The following BMP8A variants were observed in gnomAD, a reference collection of about 807,000 sequenced individuals.
The protein encoded by BMP8A is BMP-8A.
BMP8A carries 14 observed loss-of-function variants against 36.8 expected under a neutral mutation model. That is an observed-to-expected ratio of 0.38 (90% CI 0.25 to 0.60). The LOEUF (loss-of-function observed/expected upper bound fraction) is 0.60, where lower values mean the gene tolerates loss of function less well. Ranked by LOEUF, BMP8A falls within the 20% of genes least tolerant of loss-of-function variation. The probability of loss-of-function intolerance (pLI) is 0.63; values close to 1 mark genes in which losing one functional copy is unlikely to be tolerated. For missense variants in BMP8A, 267 were observed against 551.1 expected, an observed-to-expected ratio of 0.48 and a Z score of 5.16; for synonymous variants, 120 against 237.7, an observed-to-expected ratio of 0.50 and a Z score of 4.55.
At position 39,500,954 on chromosome 1, in the gene BMP8A, G is replaced by A. The variant is rs375609413; in HGVS notation, c.334+8629G>A. Among the ~76,000 whole-genome samples the A allele has an allele frequency of 1.5e-4, 23 of 152,250 alleles. No homozygotes were observed. The East Asian group carries it at 3.5e-3, about 23-fold the overall frequency. On this transcript the variant is annotated intron_variant, in intron 1 of 6. Transcript: ENST00000331593. ...CAGGTGTAAGTCACCACGCCCAGCCGAAAACAGGTTTATTTGGCATACAAT... is the reference window on the plus strand; with the variant it reads ...CAGGTGTAAGTCACCACGCCCAGCCAAAAACAGGTTTATTTGGCATACAAT...
At chr1:39,497,908 C>A (rs1057499478) in intron 1 of BMP8A, among the ~76,000 whole-genome samples, 2 of 152,300 alleles carry the variant, frequency 1.3e-5, no homozygotes, top group Admixed American at 1.3e-4. Flanking sequence ...CTGGGCCCTC[C>A]CCTGGGACCC....
At chr1:39,513,743 C>T (rs1332987230) in intron 3 of BMP8A, among the ~76,000 whole-genome samples, 6 of 151,730 alleles carry the variant, frequency 4.0e-5, no homozygotes, top group African/African-American at 1.2e-4. Context: ...AAGACCCAGG[C>T]GAGGGAGGTG....
chr1:39,506,173 G>A (rs1645299738), intron 1 of BMP8A, among the ~76,000 whole-genome samples: 1 of 151,914 alleles, frequency 6.6e-6, no homozygotes, highest in Admixed American at 6.6e-5. Flanking sequence ...AGAAAAGTCT[G>A]GATTTAGTTA....
At chr1:39,523,595 G>A in intron 6 of BMP8A, 1 of 1,419,754 alleles carries the variant, frequency 7.0e-7, no homozygotes, top group Non-Finnish European at 9.2e-7. Flanking sequence ...GCTTCTAGAT[G>A]GTGTGGCTCT....
At chr1:39,525,037 AG>A (rs202247565) in intron 6 of BMP8A, 2,569 of 153,546 alleles carry the variant, frequency 0.017, 69 homozygotes, top group African/African-American at 0.056. Flanking sequence ...AGAAGTGGGA[AG>A]GGGAGCAGGA....
intron 3 of BMP8A, chr1:39,516,096 G>C (rs2124369257): frequency 1.4e-6 from 1 of 707,808 alleles, no homozygotes; most frequent in East Asian, 3.0e-5. Context: ...GCCATGATCC[G>C]AGGGGGACAC....
intron 3 of BMP8A, among the ~76,000 whole-genome samples, chr1:39,519,675 C>T (rs1385274793): frequency 1.3e-5 from 2 of 151,772 alleles, no homozygotes; most frequent in African/African-American, 4.8e-5. Flanking sequence ...TAAGGGCTGA[C>T]CTTTGAGTGG....
intron 1 of BMP8A, among the ~76,000 whole-genome samples, chr1:39,507,954 A>G (rs1189326707): frequency 6.6e-6 from 1 of 152,206 alleles, no homozygotes; most frequent in Non-Finnish European, 1.5e-5. Flanking sequence ...ACTTTTATTT[A>G]GAAAAAAAGA....
At chr1:39,498,415 A>G (rs1402754374) in intron 1 of BMP8A, among the ~76,000 whole-genome samples, 2 of 152,202 alleles carry the variant, frequency 1.3e-5, no homozygotes, top group Non-Finnish European at 2.9e-5. Flanking sequence ...CCTGGGATCT[A>G]TTCTTGGCCT....
chr1:39,515,605 G>C, intron 3 of BMP8A: 1 of 1,533,142 alleles, frequency 6.5e-7, no homozygotes, highest in Non-Finnish European at 8.9e-7. Flanking sequence ...AAGGCCGACC[G>C]GGCAGGAAAC....
At chr1:39,514,932 C>T in intron 3 of BMP8A, 1 of 1,498,190 alleles carries the variant, frequency 6.7e-7, no homozygotes, top group Non-Finnish European at 8.9e-7. Context: ...CACCACTTGT[C>T]CTGGCCTCCG....
chr1:39,508,501 C>T (rs758799486), intron 1 of BMP8A, among the ~76,000 whole-genome samples: 8 of 152,228 alleles, frequency 5.3e-5, no homozygotes, highest in Non-Finnish European at 8.8e-5. Context: ...ACTGATATCA[C>T]ATAGGTTGCC....
At position 39,499,036 on chromosome 1, in the gene BMP8A, G is replaced by A. The variant is rs565647504; in HGVS notation, c.334+6711G>A. ...CCGCTCTGGGGCCCCGGAACACAGC[G>A]GCCGATGAGCTGACATGCGAGCCTC... On this transcript the variant is annotated intron_variant, in intron 1 of 6. Transcript: ENST00000331593. Among the ~76,000 whole-genome samples, 195 of 152,342 alleles carry A rather than the reference G, an allele frequency of 1.3e-3. 1 individual carries two copies. The highest frequency in any genetic ancestry group is 9.7e-4 in the Non-Finnish European group (66 of 68,028).
intron 1 of BMP8A, among the ~76,000 whole-genome samples, chr1:39,502,009 G>A (rs2124327611): frequency 6.6e-6 from 1 of 151,864 alleles, no homozygotes; most frequent in South Asian, 2.1e-4. Context: ...GGAGGCCAAG[G>A]CGGGTGGATC....
chr1:39,497,724 C>T (rs1237355139), intron 1 of BMP8A, among the ~76,000 whole-genome samples: 1 of 152,160 alleles, frequency 6.6e-6, no homozygotes, highest in Non-Finnish European at 1.5e-5. Flanking sequence ...GAGAACAGGA[C>T]CAATTCTGAC....
At chr1:39,497,959 C>T (rs904306303) in intron 1 of BMP8A, among the ~76,000 whole-genome samples, 91 of 152,200 alleles carry the variant, frequency 6.0e-4, no homozygotes, top group Non-Finnish European at 3.8e-4. Context: ...GGTGGCTTCA[C>T]GGGCATTCTC....
In BMP8A at chr1:39,491,971, G is replaced by A; in HGVS notation, c.-21G>A. On this transcript the variant is annotated 5_prime_UTR_variant, in exon 1 of 7. Transcript: ENST00000331593. ...GCGGCGGCGGAGCTGATGTGCGCCCGCTGAGCGCCCCCGGCCCGCCATGGC... is the reference window on the plus strand; with the variant it reads ...GCGGCGGCGGAGCTGATGTGCGCCCACTGAGCGCCCCCGGCCCGCCATGGC... The A allele has an allele frequency of 1.9e-6, 2 of 1,074,196 alleles. No individual in the cohort carries two copies. The highest frequency in any genetic ancestry group is 1.1e-6 in the Non-Finnish European group (1 of 887,888). 66.5% of individuals were successfully genotyped at this position (1,074,196 alleles called of 1,614,324 possible). A position where few individuals can be genotyped will look rare whatever the true frequency, so the allele number is the denominator to read the frequency against.
intron 6 of BMP8A, chr1:39,523,979 AACAC>A (rs3832006): frequency 0.043 from 6,533 of 152,608 alleles, 389 homozygotes; most frequent in East Asian, 0.32. Flanking sequence ...TAAAAATTAA[AACAC>A]ACACACACAC....
chr1:39,525,967 C>T lies in BMP8A; in HGVS notation c.*169C>T. The T allele has an allele frequency of 2.5e-6, 3 of 1,213,420 alleles. No homozygotes were observed. Among genetic ancestry groups the T allele is most frequent in the Non-Finnish European group, 3.4e-6 (3 of 884,902 alleles). The allele number at this position is 1,213,420 out of a possible 1,614,324, so 75.2% of individuals were successfully genotyped here. On this transcript the variant is annotated 3_prime_UTR_variant, in exon 7 of 7. Transcript: ENST00000331593. Reference sequence around the variant, plus strand: ...GTCCTTTCTCGGTACCTCTGTGCCCCTCCCCTGGGGTTTGTGGCTGTCACT... The same window carrying T: ...GTCCTTTCTCGGTACCTCTGTGCCCTTCCCCTGGGGTTTGTGGCTGTCACT...
Sources: allele counts gnomAD v4.1 joint callset (sites outside exome capture counted in the v4.1 genomes callset), GRCh38; gene constraint gnomAD v4.1.1; transcripts MANE v1.5; gene names NCBI Gene and HGNC (gene_info 2026-07-23, HGNC 2026-07-21).